CSAD: variants seen among roughly 807,000 people sequenced by gnomAD.
CSAD encodes the protein cysteine sulfinic acid decarboxylase, also known as P-selectin cytoplasmic tail-associated protein.
In CSAD, 47 loss-of-function variants were observed where a neutral mutation model predicts 61.5. That is an observed-to-expected ratio of 0.76 (90% CI 0.60 to 0.97). CSAD has a LOEUF of 0.97. Among genes scored for constraint, CSAD ranks in the 50% least tolerant of loss-of-function variants. The pLI is 0.00. For missense variants in CSAD, 611 were observed against 643.6 expected (o/e 0.95, Z 0.55); for synonymous variants, 245 against 252.7 (o/e 0.97, Z 0.29).
chr12:53,180,463 G>C lies in CSAD; in HGVS notation c.-91+269C>G. ...CAATCATCGAAGGGCCGAGGGTCCT[G>C]CCCTCAGTCTCGATGGCGGCCGGGG... is the stretch of plus-strand genomic sequence containing the variant. On this transcript the variant is annotated intron_variant, in intron 1 of 16. Transcript: ENST00000444623. 2.5e-6 allele frequency: 3 copies of C among 1,203,708 alleles called. No individual in the cohort carries two copies. In the South Asian group the frequency reaches 4.5e-5, roughly 18 times the overall value. 74.6% of individuals were successfully genotyped at this position (1,203,708 alleles called of 1,614,324 possible). A position where few individuals can be genotyped will look rare whatever the true frequency, so the allele number is the denominator to read the frequency against.
At position 53,159,646 on chromosome 12, in the gene CSAD, C is replaced by T; in HGVS notation, c.1285G>A (p.Asp429Asn). 6.2e-7 allele frequency: 1 copy of T among 1,611,658 alleles called. No individual in the cohort carries two copies. Among genetic ancestry groups the T allele is most frequent in the Non-Finnish European group, 8.5e-7 (1 of 1,179,004 alleles). Residue 429 changes from aspartate to asparagine, a missense_variant, in exon 16 of 17, where the codon GAT (aspartate) becomes AAT (asparagine). Coordinates refer to ENST00000444623, the MANE Select transcript of CSAD (RefSeq NM_001244705.2). Reference sequence around the variant, plus strand: ...ACCTTTGACAGCCTTTCGTGGTAATCTGGACTCTCCTGCTTCCCTCGCAGG... The same window carrying T: ...ACCTTTGACAGCCTTTCGTGGTAATTTGGACTCTCCTGCTTCCCTCGCAGG... Reference protein sequence around the residue: ...PSLRGKQESPDYHERLSKVAP... With the variant: ...PSLRGKQESPNYHERLSKVAP...
At chr12:53,176,662 T>C (rs1941131039) in intron 2 of CSAD, among the ~76,000 whole-genome samples, 2 of 150,830 alleles carry the variant, frequency 1.3e-5, no homozygotes, top group Non-Finnish European at 2.9e-5. Flanking sequence ...GAGCTTGCAG[T>C]GAGCCGAGAT....
rs5798236 is a variant in CSAD, at chr12:53,174,307, C to CA, written c.-49-538dup. Among the ~76,000 whole-genome samples, 355 of 102,722 alleles carry CA rather than the reference C, an allele frequency of 3.5e-3. 2 individuals carry two copies. Among genetic ancestry groups the CA allele is most frequent in the Non-Finnish European group, 5.9e-3 (272 of 45,820 alleles). The allele number at this position is 102,722 out of a possible 152,430, so 67.4% of individuals were successfully genotyped here. ...TAGGCGACAGAGCGAGACTCCATCT[C>CA]AAAAAAAAAAAAAAGAAAAAAAGAA... On this transcript the variant is annotated intron_variant, in intron 2 of 16. Coordinates refer to ENST00000444623, the MANE Select transcript of CSAD (RefSeq NM_001244705.2).
In CSAD at chr12:53,171,344, G is replaced by A; in HGVS notation, c.549C>T (p.Ala183=). 4 of 1,614,056 alleles carry A rather than the reference G, an allele frequency of 2.5e-6. No individual in the cohort carries two copies. Among genetic ancestry groups the A allele is most frequent in the Non-Finnish European group, 3.4e-6 (4 of 1,180,026 alleles). The part of the protein sequence containing the change: ...QRGLRTLPPL[A]LFTSKECHYS... ...TCCCCACCTCCTTCGATGTGAATAG[G>A]GCCAGGGGCGGCAGTGTGCGGAGGC... Residue 183 remains alanine, a synonymous_variant, in exon 8 of 17, where the codon GCC becomes GCT. Transcript: ENST00000444623.
intron 1 of CSAD, chr12:53,180,289 G>C: frequency 2.0e-6 from 2 of 985,422 alleles, no homozygotes; most frequent in Middle Eastern, 5.2e-4. Context: ...ACGTGAAAAG[G>C]CTGGGTACGA....
intron 2 of CSAD, among the ~76,000 whole-genome samples, chr12:53,176,919 CAG>C (rs965121762): frequency 6.6e-6 from 1 of 151,730 alleles, no homozygotes; most frequent in Admixed American, 6.6e-5. Flanking sequence ...TTTTTGTAAA[CAG>C]GGTCTCACTA....
At chr12:53,180,945 G>A (rs1348485445), upstream of CSAD, 5 of 952,524 alleles carry the variant, frequency 5.2e-6, no homozygotes, top group Admixed American at 5.9e-5. Context: ...AGGGGAGGAG[G>A]GGCGCGTGGC....
At chr12:53,158,739 G>C (rs969147718) in intron 16 of CSAD, 55 bp from the exon 17 acceptor site, 13 of 1,553,356 alleles carry the variant, frequency 8.4e-6, no homozygotes, top group African/African-American at 4.1e-5. Context: ...TGACAGGTAG[G>C]CTGGCTTCTT....
At chr12:53,176,416 A>G (rs573477025) in intron 2 of CSAD, among the ~76,000 whole-genome samples, 10 of 151,456 alleles carry the variant, frequency 6.6e-5, no homozygotes, top group Non-Finnish European at 1.5e-4. Context: ...ATCTCAAAAA[A>G]AAAAACAAGA....
chr12:53,172,711 C>G, intron 4 of CSAD, 63 bp from the exon 5 acceptor site: 1 of 1,527,800 alleles, frequency 6.5e-7, no homozygotes, highest in South Asian at 1.2e-5. Flanking sequence ...TCAAACCACA[C>G]CTCCACAGAC....
Position 53,158,501 on chromosome 12 carries a change from C to T in CSAD, c.*10G>A, listed in dbSNP as rs901531382. Reference sequence around the variant, plus strand: ...GGTGGTATCAAGGCCGGCAGCAAGACAGAGAAGGCTCACAGGTCCTGGCCT... The same window carrying T: ...GGTGGTATCAAGGCCGGCAGCAAGATAGAGAAGGCTCACAGGTCCTGGCCT... On this transcript the variant is annotated 3_prime_UTR_variant, in exon 17 of 17. Coordinates refer to ENST00000444623, the MANE Select transcript of CSAD (RefSeq NM_001244705.2). 3 of 1,608,584 alleles carry T rather than the reference C, an allele frequency of 1.9e-6. No homozygotes were observed. Among genetic ancestry groups the T allele is most frequent in the African/African-American group, 1.3e-5 (1 of 74,424 alleles).
intron 1 of CSAD, chr12:53,180,321 G>A: frequency 1.0e-6 from 1 of 985,448 alleles, no homozygotes; most frequent in Non-Finnish European, 1.2e-6. Context: ...TCTACTTGGG[G>A]CGCCGGCTCA....
intron 10 of CSAD, 78 bp from the exon 11 acceptor site, chr12:53,161,467 T>A: frequency 1.6e-6 from 2 of 1,214,170 alleles, no homozygotes; most frequent in Non-Finnish European, 2.4e-6. Flanking sequence ...GGCCCAGCTC[T>A]AAGCTCTTTG....
intron 2 of CSAD, among the ~76,000 whole-genome samples, chr12:53,174,967 C>G (rs930214225): frequency 2.6e-5 from 4 of 152,180 alleles, no homozygotes; most frequent in Non-Finnish European, 5.9e-5. Context: ...CTCTATTACG[C>G]AACCCCTCAA....
chr12:53,173,543 C>A, intron 3 of CSAD, 67 bp from the exon 4 acceptor site: 4 of 1,612,208 alleles, frequency 2.5e-6, no homozygotes, highest in Non-Finnish European at 3.4e-6. Context: ...CAGCAGGAGC[C>A]TCCTCTCCCA....
chr12:53,180,183 T>C, intron 1 of CSAD: 2 of 985,382 alleles, frequency 2.0e-6, no homozygotes, highest in Non-Finnish European at 2.4e-6. Flanking sequence ...AGCAAGAGTG[T>C]GCGAAGAAAA....
intron 2 of CSAD, 95 bp from the exon 3 acceptor site, chr12:53,173,865 C>T (rs762848100): frequency 2.7e-5 from 33 of 1,236,912 alleles, no homozygotes; most frequent in Non-Finnish European, 3.8e-5. Flanking sequence ...TTGCAACCAT[C>T]ATCACTATCT....
At chr12:53,175,655 C>G (rs549090300) in intron 2 of CSAD, among the ~76,000 whole-genome samples, 3 of 152,196 alleles carry the variant, frequency 2.0e-5, no homozygotes, top group South Asian at 4.1e-4. Context: ...CTCCCCTCCC[C>G]CAGGGACTTG....
chr12:53,171,152 A>C, intron 8 of CSAD, 174 bp downstream of exon 8: 1 of 916,346 alleles, frequency 1.1e-6, no homozygotes, highest in Non-Finnish European at 1.7e-6. Context: ...ACAGAAGGCA[A>C]TGTGAACAGG....
Sources: allele counts gnomAD v4.1 joint callset (sites outside exome capture counted in the v4.1 genomes callset), GRCh38; gene constraint gnomAD v4.1.1; transcripts MANE v1.5; gene names NCBI Gene and HGNC (gene_info 2026-07-23, HGNC 2026-07-21).